The following ICOSLG variants were observed in gnomAD, a reference collection of about 807,000 sequenced individuals.
ICOSLG encodes the protein inducible T cell costimulator ligand.
For missense variants in ICOSLG, 35 were observed against 158.4 expected, an observed-to-expected ratio of 0.22 and a Z score of 4.18; for synonymous variants, 15 against 64.2, an observed-to-expected ratio of 0.23 and a Z score of 3.66.
rs56323213 is a variant in ICOSLG at position 44,230,126 on chromosome 21, T to TG, written c.863-38dup. 1.0e-4 allele frequency: 74 copies of TG among 716,128 alleles called. 28 individuals carry two copies. Among genetic ancestry groups the TG allele is most frequent in the African/African-American group, 6.3e-4 (22 of 34,818 alleles). The allele number at this position is 716,128 out of a possible 1,614,324, so 44.4% of individuals were successfully genotyped here. A position where few individuals can be genotyped will look rare whatever the true frequency, so the allele number is the denominator to read the frequency against. The stretch of plus-strand genomic sequence containing the variant: ...ACCAAAATGGTCAGGGCAGCAGCGA[T>TG]GGGGGGTGTCCCTAAAGCCCCTGGT... On this transcript the variant is annotated intron_variant, in intron 5 of 5. Transcript: ENST00000400379.
exon 6 of ICOSLG, chr21:44,227,803 G>A: frequency 8.3e-6 from 1 of 120,818 alleles, no homozygotes; most frequent in Non-Finnish European, 1.0e-5. Flanking sequence ...AGGCCAGGCT[G>A]TCTACTCCAT....
exon 6 of ICOSLG, chr21:44,229,910 G>A (rs1466821079): frequency 1.2e-6 from 1 of 810,356 alleles, no homozygotes; most frequent in East Asian, 3.9e-5. Flanking sequence ...CACCATCGAG[G>A]GCTTCGCTGC....
chr21:44,229,662 C>T lies in ICOSLG; in HGVS notation c.1290G>A (p.Val430=). 2.2e-6 allele frequency: 2 copies of T among 896,782 alleles called. 1 individual carries two copies. Among genetic ancestry groups the T allele is most frequent in the Non-Finnish European group, 3.1e-6 (2 of 652,738 alleles). The allele number at this position is 896,782 out of a possible 1,614,324, so 55.6% of individuals were successfully genotyped here. ...CGCCGGTGCCTGGACCCGCCCTGGA[C>T]ACCCCACGGGGGCTGGGCGCCGGTG... The change falls in exon 6 of 6, where the codon GTG becomes GTA. Residue 430 remains valine, a synonymous_variant. Transcript: ENST00000400379.
chr21:44,228,269 A>C (rs1447846156), exon 6 of ICOSLG: 1 of 3,396 alleles, frequency 2.9e-4, no homozygotes, highest in East Asian at 3.2e-3. Flanking sequence ...TTCTCGCTGC[A>C]GAGCCAAGAG....
At chr21:44,229,814 T>C in exon 6 of ICOSLG, 1 of 1,133,822 alleles carries the variant, frequency 8.8e-7, no homozygotes, top group East Asian at 2.6e-5. Context: ...CTTCTGTGCA[T>C]GTTGGGAAAA....
exon 6 of ICOSLG, chr21:44,229,858 T>A: frequency 1.2e-6 from 1 of 868,254 alleles, no homozygotes; most frequent in Non-Finnish European, 1.6e-6. Flanking sequence ...CACACCAGGA[T>A]GCCATCCCAT....
chr21:44,232,574 A>AT (rs1054186849), intron 4 of ICOSLG, among the ~76,000 whole-genome samples: 8 of 75,662 alleles, frequency 1.1e-4, no homozygotes, highest in Admixed American at 5.1e-4. Context: ...GGCCTGGCTA[A>AT]TTTTTTTTTT....
rs1056571075 is a variant in ICOSLG at position 44,229,916 on chromosome 21, G to A, written c.1036C>T (p.Arg346Ter). 4 of 811,752 alleles carry A rather than the reference G, an allele frequency of 4.9e-6. 1 individual carries two copies. The highest frequency in any genetic ancestry group is 1.7e-6 in the Non-Finnish European group (1 of 585,230). The allele number at this position is 811,752 out of a possible 1,614,324, so 50.3% of individuals were successfully genotyped here. ...TGCCATGCGCACCATCGAGGGCTTCGCTGCGTCTCCAGGAACAACAGTTGT... is the reference window on the plus strand; with the variant it reads ...TGCCATGCGCACCATCGAGGGCTTCACTGCGTCTCCAGGAACAACAGTTGT... The change falls in exon 6 of 6, where the codon CGA becomes TGA. Residue 346 changes from arginine to a stop codon, truncating the protein, a stop_gained. Coordinates refer to ENST00000400379, the Ensembl canonical transcript of ICOSLG. LOFTEE classifies it low-confidence loss of function (END_TRUNC).
chr21:44,227,706 G>A, exon 6 of ICOSLG: 1 of 93,454 alleles, frequency 1.1e-5, no homozygotes, highest in South Asian at 5.2e-4. Context: ...GGTCCTGGCT[G>A]ACCCTGGGAA....
downstream of ICOSLG, chr21:44,224,439 C>T (rs375318465): frequency 1.2e-4 from 6 of 51,934 alleles, 3 homozygotes; most frequent in East Asian, 1.7e-3. Context: ...TGCGGTGGCT[C>T]GCACCTGTAA....
chr21:44,224,621 T>C (rs8127114), downstream of ICOSLG: 86 of 65,002 alleles, frequency 1.3e-3, 28 homozygotes, highest in African/African-American at 6.2e-3. Context: ...TTGCTTGAGT[T>C]CGGGAGGCAG....
downstream of ICOSLG, chr21:44,225,374 G>A (rs1434268514): frequency 3.9e-5 from 2 of 51,570 alleles, 1 homozygote; most frequent in Non-Finnish European, 7.2e-5. Context: ...GGCACGGAGA[G>A]GCCCCCACGG....
chr21:44,229,613 T>G, exon 6 of ICOSLG: 1 of 476,934 alleles, frequency 2.1e-6, no homozygotes. Flanking sequence ...CCGGACCCAC[T>G]CCGGACACCC....
chr21:44,225,323 G>A (rs550030950), downstream of ICOSLG: 2 of 40,578 alleles, frequency 4.9e-5, no homozygotes, highest in Admixed American at 5.1e-4. Flanking sequence ...GAGGATGGGC[G>A]GTGGTGTCAT....
chr21:44,225,313 G>A (rs1304906011), downstream of ICOSLG: 2 of 38,098 alleles, frequency 5.2e-5, 1 homozygote, highest in Non-Finnish European at 9.5e-5. Flanking sequence ...GGCTCAGGAT[G>A]AGGATGGGCG....
rs745442982 is a variant in ICOSLG at position 44,229,753 on chromosome 21, T to G, written c.1199A>C (p.Gln400Pro). Reference sequence around the variant, plus strand: ...GTGCCTGGACCCGCCCTGGACACCCTGGTCGGGGCTGGGCACTGGGGAGCG... The same window carrying G: ...GTGCCTGGACCCGCCCTGGACACCCGGGTCGGGGCTGGGCACTGGGGAGCG... Residue 400 changes from glutamine to proline, a missense_variant, in exon 6 of 6, where the codon CAG becomes CCG. By Grantham distance (76) the Gln-to-Pro change is moderately conservative. Coordinates refer to ENST00000400379, the Ensembl canonical transcript of ICOSLG. The G allele has an allele frequency of 1.8e-6, 2 of 1,106,564 alleles. 1 individual carries two copies. The highest frequency in any genetic ancestry group is 2.5e-6 in the Non-Finnish European group (2 of 813,700). The allele number at this position is 1,106,564 out of a possible 1,614,324, so 68.5% of individuals were successfully genotyped here.
chr21:44,232,575 T>A (rs9977304), intron 4 of ICOSLG, among the ~76,000 whole-genome samples: 12,563 of 77,004 alleles, frequency 0.16, 2,271 homozygotes, highest in South Asian at 0.35. Context: ...GCCTGGCTAA[T>A]TTTTTTTTTG....
In ICOSLG at chr21:44,227,378, C is replaced by G; in HGVS notation, c.*2152G>C. The stretch of plus-strand genomic sequence containing the variant: ...ACTTCACAGTCACTGCAAATGGGCA[C>G]CACAGCCCACTTTCCAACGCCCCAA... On this transcript the variant is annotated 3_prime_UTR_variant, in exon 6 of 6. Coordinates refer to ENST00000400379, the Ensembl canonical transcript of ICOSLG. 6 of 597,704 alleles carry G rather than the reference C, an allele frequency of 1.0e-5. 1 individual carries two copies. Among genetic ancestry groups the G allele is most frequent in the Non-Finnish European group, 8.1e-6 (4 of 490,994 alleles). 37.0% of individuals were successfully genotyped at this position (597,704 alleles called of 1,614,324 possible).
rs545676244 is a variant in ICOSLG, at chr21:44,229,727, G to A, written c.1225C>T (p.Arg409Trp). 1.7e-4 allele frequency: 175 copies of A among 1,059,048 alleles called. 43 individuals carry two copies. Among genetic ancestry groups the A allele is most frequent in the South Asian group, 1.1e-3 (67 of 61,572 alleles). The allele number at this position is 1,059,048 out of a possible 1,614,324, so 65.6% of individuals were successfully genotyped here. A position where few individuals can be genotyped will look rare whatever the true frequency, so the allele number is the denominator to read the frequency against. ...GGACACCCCATGGGGGCTGGGCGCC[G>A]GTGCCTGGACCCGCCCTGGACACCC... is the stretch of plus-strand genomic sequence containing the variant. Residue 409 changes from arginine to tryptophan, a missense_variant, in exon 6 of 6, where the codon CGG becomes TGG. Transcript: ENST00000400379.
Sources: allele counts gnomAD v4.1 joint callset (sites outside exome capture counted in the v4.1 genomes callset), GRCh38; gene constraint gnomAD v4.1.1; transcripts MANE v1.5; gene names NCBI Gene and HGNC (gene_info 2026-07-23, HGNC 2026-07-21).